The following SLC26A5 variants were observed in gnomAD, a reference collection of about 807,000 sequenced individuals.
The protein encoded by SLC26A5 is solute carrier family 26 member 5, also known as prestin.
A neutral mutation model predicts 81.0 loss-of-function variants in SLC26A5; 51 were observed. The ratio of observed to expected loss-of-function variants is 0.63; its 90% CI spans 0.50 to 0.80. The LOEUF is 0.80. Ranked by LOEUF, SLC26A5 falls within the 30% of genes least tolerant of loss-of-function variation. The probability of loss-of-function intolerance (pLI) is 0.00; values close to 1 mark genes in which losing one functional copy is unlikely to be tolerated. For synonymous variants in SLC26A5, 325 were observed against 332.8 expected, an observed-to-expected ratio of 0.98 and a Z score of 0.25; for missense variants, 771 against 905.8, an observed-to-expected ratio of 0.85 and a Z score of 1.91.
chr7:103,438,116 A>C (rs1826598737), intron 2 of SLC26A5, among the ~76,000 whole-genome samples: 2 of 152,150 alleles, frequency 1.3e-5, no homozygotes, highest in Admixed American at 1.3e-4. Context: ...AAATCCACAG[A>C]TGTTCAAGTC....
intron 19 of SLC26A5, chr7:103,355,074 T>TTAACAGAAAGGAA: frequency 1.4e-6 from 1 of 698,432 alleles, no homozygotes; most frequent in Non-Finnish European, 2.4e-6. Context: ...TCTTCCTTTC[T>TTAACAGAAAGGAA]GTTAAGAAAT....
In SLC26A5 at chr7:103,367,606, C is replaced by G; in HGVS notation, c.2041+9202G>C. The G allele has an allele frequency of 6.2e-7, 1 of 1,613,974 alleles. No individual in the cohort carries two copies. Among genetic ancestry groups the G allele is most frequent in the Non-Finnish European group, 8.5e-7 (1 of 1,179,988 alleles). On this transcript the variant is annotated intron_variant, in intron 19 of 19. Transcript: ENST00000339444. The surrounding 1 kb of genome is among the most constrained non-coding windows in gnomAD (Gnocchi z 6.1). ...ATAGAAAAATTGAATTTAGCTTGCC[C>G]GATCTAGAGGTAAGAAAACCATTTC...
At chr7:103,432,929 C>T (rs907631527) in intron 2 of SLC26A5, among the ~76,000 whole-genome samples, 14 of 152,232 alleles carry the variant, frequency 9.2e-5, no homozygotes, top group African/African-American at 3.4e-4. Flanking sequence ...GGCTTCTGAA[C>T]CACAGAGGAA....
intron 2 of SLC26A5, among the ~76,000 whole-genome samples, chr7:103,428,753 A>G (rs1029536167): frequency 6.6e-6 from 1 of 152,020 alleles, no homozygotes; most frequent in African/African-American, 2.4e-5. Flanking sequence ...TTTTTACTAG[A>G]GATGGGGTTT....
At chr7:103,381,816 A>G (rs1195747078) in intron 14 of SLC26A5, among the ~76,000 whole-genome samples, 1 of 150,658 alleles carries the variant, frequency 6.6e-6, no homozygotes, top group Non-Finnish European at 1.5e-5. Context: ...ACCTTCATCC[A>G]AGACACAATA....
chr7:103,388,830 T>A (rs1822413206), intron 14 of SLC26A5, 178 bp downstream of exon 14: 1 of 596,098 alleles, frequency 1.7e-6, no homozygotes, highest in South Asian at 1.6e-5. Flanking sequence ...ATGGAATTTT[T>A]AAATTGGCAT....
chr7:103,402,491 C>T (rs1470085872), intron 8 of SLC26A5, among the ~76,000 whole-genome samples: 1 of 151,424 alleles, frequency 6.6e-6, no homozygotes, highest in Non-Finnish European at 1.5e-5. Context: ...CCTCTGCCTC[C>T]CAGATTCAAG....
intron 14 of SLC26A5, among the ~76,000 whole-genome samples, chr7:103,387,790 T>C (rs1822312118): frequency 1.3e-5 from 2 of 152,178 alleles, no homozygotes; most frequent in Non-Finnish European, 2.9e-5. Flanking sequence ...CAAGCGATTC[T>C]CCTGCCTCAG....
In SLC26A5 at chr7:103,393,027, G is replaced by T; in HGVS notation, c.1011C>A (p.His337Gln). ...PPANPDTSLF[H>Q]LVYVDAIAIA... ...TGGCAATGGCATCTACGTACACAAG[G>T]TGGAAGAGGCTGGTGTCCGGATTGG... Residue 337 changes from histidine (H) to glutamine (Q), a missense_variant, in exon 10 of 20, where the codon CAC becomes CAA. Coordinates refer to ENST00000306312, the MANE Select transcript of SLC26A5 (RefSeq NM_198999.3). The T allele has an allele frequency of 6.2e-7, 1 of 1,613,996 alleles. No homozygotes were observed. The highest frequency in any genetic ancestry group is 8.5e-7 in the Non-Finnish European group (1 of 1,179,880).
chr7:103,427,874 A>C (rs1433070092), intron 2 of SLC26A5, among the ~76,000 whole-genome samples: 1 of 146,264 alleles, frequency 6.8e-6, no homozygotes, highest in African/African-American at 2.6e-5. Context: ...TTCTTTTGAG[A>C]TGGAGTCTCA....
At chr7:103,364,958 CAT>C (rs59914167) in intron 19 of SLC26A5, among the ~76,000 whole-genome samples, 12,097 of 125,466 alleles carry the variant, frequency 0.096, 709 homozygotes, top group Admixed American at 0.14. Flanking sequence ...TGTAGACATA[CAT>C]ATATATATAT....
rs1225691699 is a variant in SLC26A5, at chr7:103,446,118, G to C, written c.-203C>G. Reference sequence around the variant, plus strand: ...CTCACCAGCCCGGGCTGCCCTGGGCGGAGCCGCCCCGCCGCGCTCCACAGC... The same window carrying C: ...CTCACCAGCCCGGGCTGCCCTGGGCCGAGCCGCCCCGCCGCGCTCCACAGC... On this transcript the variant is annotated 5_prime_UTR_variant, in exon 1 of 20. Transcript: ENST00000306312. 6.6e-6 allele frequency: 1 copy of C among 151,684 alleles called. No homozygotes were observed. The highest frequency in any genetic ancestry group is 1.5e-5 in the Non-Finnish European group (1 of 68,006). The allele number at this position is 151,684 out of a possible 1,614,324, so 9.4% of individuals were successfully genotyped here.
At chr7:103,393,130 G>T (rs568425418) in intron 9 of SLC26A5, 64 bp from the exon 10 acceptor site, 3 of 1,582,930 alleles carry the variant, frequency 1.9e-6, no homozygotes, top group Admixed American at 3.5e-5. Flanking sequence ...AAAACCTTGC[G>T]ACTGCAGGGA....
chr7:103,380,603 A>T, intron 14 of SLC26A5, 54 bp from the exon 15 acceptor site: 1 of 1,503,294 alleles, frequency 6.7e-7, no homozygotes, highest in South Asian at 1.1e-5. Context: ...GTGTGATTTC[A>T]ACAGGAGGTT....
At chr7:103,424,241 T>TG (rs776748088) in intron 2 of SLC26A5, among the ~76,000 whole-genome samples, 25 of 152,342 alleles carry the variant, frequency 1.6e-4, no homozygotes, top group Non-Finnish European at 3.1e-4. Flanking sequence ...TGCTTTTCTG[T>TG]GAGGTCTCCC....
At position 103,417,230 on chromosome 7, in the gene SLC26A5, C is replaced by G. The variant is rs548156218; in HGVS notation, c.292+3508G>C. Reference sequence around the variant, plus strand: ...ACTGAAAATACAAAAATTAGCTGGGCGTGGTGGCACGCACCTGTAGTCCCA... The same window carrying G: ...ACTGAAAATACAAAAATTAGCTGGGGGTGGTGGCACGCACCTGTAGTCCCA... On this transcript the variant is annotated intron_variant, in intron 4 of 19. Transcript: ENST00000306312. 6.9e-4 allele frequency among the ~76,000 whole-genome samples: 104 copies of G among 151,728 alleles called. 1 individual carries two copies. Among genetic ancestry groups the G allele is most frequent in the Non-Finnish European group, 1.3e-3 (88 of 67,952 alleles).
intron 8 of SLC26A5, among the ~76,000 whole-genome samples, chr7:103,401,621 G>A (rs1422718029): frequency 6.6e-6 from 1 of 152,124 alleles, no homozygotes; most frequent in Admixed American, 6.6e-5. Context: ...GTGAGAGAGG[G>A]CATCCTTTTC....
rs1007485389 is a variant in SLC26A5, at chr7:103,436,069, T to C, written c.-54+7014A>G. Among the ~76,000 whole-genome samples, 3 of 152,130 alleles carry C rather than the reference T, an allele frequency of 2.0e-5. No homozygotes were observed. The East Asian group carries it at 5.8e-4, about 29-fold the overall frequency. On this transcript the variant is annotated intron_variant, in intron 2 of 19. Transcript: ENST00000306312. ...ACCATAACATGGTAAACAGAGGTTA[T>C]GTTTGATGGTAGAATTATGAGTAAT...
At chr7:103,357,841 C>G (rs1302789761) in intron 19 of SLC26A5, among the ~76,000 whole-genome samples, 2 of 152,278 alleles carry the variant, frequency 1.3e-5, no homozygotes, top group South Asian at 4.2e-4. Context: ...ATTGTCTAAA[C>G]TGCTCTTCAG....
Sources: gnomAD v4.1 joint callset for allele counts (sites outside exome capture counted in the v4.1 genomes callset) on GRCh38, gnomAD v4.1.1 for gene constraint, Gnocchi (gnomAD v3.1) non-coding constraint, MANE v1.5 for transcripts, NCBI Gene and HGNC (gene_info 2026-07-23, HGNC 2026-07-21) for gene names.